Variants in ETV6 observed in about 807,000 individuals in gnomAD.
ETV6 encodes ETS variant transcription factor 6, also known as transcription factor ETV6.
In ETV6, 16 loss-of-function variants were observed where a neutral mutation model predicts 51.1. That is an observed-to-expected ratio of 0.31 (90% CI 0.21 to 0.48). The LOEUF (loss-of-function observed/expected upper bound fraction) is 0.48. Ranked by LOEUF, ETV6 falls within the 20% of genes least tolerant of loss-of-function variation. The pLI is 0.99. For missense variants in ETV6, 458 were observed against 594.8 expected, an observed-to-expected ratio of 0.77 and a Z score of 2.39; for synonymous variants, 240 against 224.1, an observed-to-expected ratio of 1.07 and a Z score of -0.64.
chr12:11,877,224 T>C (rs891157065), intron 5 of ETV6, among the ~76,000 whole-genome samples: 2 of 152,186 alleles, frequency 1.3e-5, no homozygotes, highest in Non-Finnish European at 2.9e-5. Context: ...CACTGTATTC[T>C]GGCATCTTGC....
At chr12:11,661,402 G>A (rs879901843) in intron 1 of ETV6, among the ~76,000 whole-genome samples, 1 of 152,236 alleles carries the variant, frequency 6.6e-6, no homozygotes, top group Admixed American at 6.5e-5. Context: ...CTGACTAATA[G>A]GTCTTGACGG....
intron 2 of ETV6, among the ~76,000 whole-genome samples, chr12:11,834,560 A>G (rs140315897): frequency 1.3e-5 from 2 of 152,376 alleles, no homozygotes; most frequent in East Asian, 1.9e-4. Flanking sequence ...GGTAATATGT[A>G]TGAAAGCACC....
intron 2 of ETV6, among the ~76,000 whole-genome samples, chr12:11,789,274 C>T (rs143328675): frequency 0.054 from 8,160 of 152,068 alleles, 727 homozygotes; most frequent in African/African-American, 0.18. Context: ...CCTCACGATT[C>T]GCCCGCCTCA....
chr12:11,734,541 AAG>A (rs1318922186), intron 1 of ETV6, among the ~76,000 whole-genome samples: 1 of 151,692 alleles, frequency 6.6e-6, no homozygotes, highest in Non-Finnish European at 1.5e-5. Flanking sequence ...AAAAAAAAAA[AAG>A]AAGAAGAAGA....
chr12:11,738,226 C>T (rs371900248), intron 1 of ETV6, among the ~76,000 whole-genome samples: 13 of 129,864 alleles, frequency 1.0e-4, no homozygotes, highest in Non-Finnish European at 1.9e-4. Flanking sequence ...CCTTCCTTCC[C>T]TCCCTCCCTC....
intron 5 of ETV6, among the ~76,000 whole-genome samples, chr12:11,874,933 T>C (rs1475433135): frequency 6.8e-6 from 1 of 147,506 alleles, no homozygotes; most frequent in Non-Finnish European, 1.5e-5. Context: ...CATTAGGAGA[T>C]ATACCTAATG....
chr12:11,795,896 G>C (rs895126381), intron 2 of ETV6, among the ~76,000 whole-genome samples: 2 of 152,194 alleles, frequency 1.3e-5, no homozygotes, highest in African/African-American at 4.8e-5. Flanking sequence ...ACTTAGTACA[G>C]TGTCTGTCAC....
At chr12:11,812,778 T>G (rs531195508) in intron 2 of ETV6, among the ~76,000 whole-genome samples, 2 of 152,286 alleles carry the variant, frequency 1.3e-5, no homozygotes, top group South Asian at 2.1e-4. Flanking sequence ...GCCTAAGATT[T>G]AAAGGGTTTC....
At chr12:11,773,430 G>A (rs1343678464) in intron 2 of ETV6, among the ~76,000 whole-genome samples, 1 of 152,130 alleles carries the variant, frequency 6.6e-6, no homozygotes, top group African/African-American at 2.4e-5. Context: ...AAGATGGAGA[G>A]GTTGAATTTG....
chr12:11,662,632 A>T (rs1419424536), intron 1 of ETV6, among the ~76,000 whole-genome samples: 1 of 152,178 alleles, frequency 6.6e-6, no homozygotes, highest in Non-Finnish European at 1.5e-5. Context: ...TGGTTGGCTT[A>T]TATGTAGGTT....
At position 11,694,385 on chromosome 12, in the gene ETV6, A is replaced by T. The variant is rs181817262; in HGVS notation, c.33+44225A>T. Among the ~76,000 whole-genome samples the T allele has an allele frequency of 5.6e-4, 86 of 152,360 alleles. No homozygotes were observed. In the East Asian group the frequency reaches 0.013, roughly 23 times the overall value. On this transcript the variant is annotated intron_variant, in intron 1 of 7. Coordinates refer to ENST00000396373, the MANE Select transcript of ETV6 (RefSeq NM_001987.5). The stretch of plus-strand genomic sequence containing the variant: ...TTTTATAATAGCTTCTTATGGAATT[A>T]TCTGAATTGGGGACCCATCTGTTGC...
chr12:11,864,326 T>A (rs1186230819), intron 4 of ETV6, among the ~76,000 whole-genome samples: 1 of 152,214 alleles, frequency 6.6e-6, no homozygotes, highest in African/African-American at 2.4e-5. Context: ...GACCAACGCC[T>A]GTGACCGTTT....
At chr12:11,829,341 A>G (rs1395261474) in intron 2 of ETV6, among the ~76,000 whole-genome samples, 1 of 152,204 alleles carries the variant, frequency 6.6e-6, no homozygotes, top group Non-Finnish European at 1.5e-5. Flanking sequence ...ACCTCATTTC[A>G]TGCTCACATT....
chr12:11,765,789 TGTC>T (rs902182785), intron 2 of ETV6, among the ~76,000 whole-genome samples: 2 of 152,156 alleles, frequency 1.3e-5, no homozygotes, highest in African/African-American at 4.8e-5. Context: ...AACTATAATT[TGTC>T]ATTTTATTTT....
intron 6 of ETV6, 33 bp from the exon 7 acceptor site, chr12:11,885,893 C>G (rs777274677): frequency 6.6e-7 from 1 of 1,514,798 alleles, no homozygotes. Context: ...TGTCTTTGTG[C>G]TTTTTTTCTC....
At chr12:11,861,832 T>C (rs1946722991) in intron 4 of ETV6, among the ~76,000 whole-genome samples, 1 of 152,228 alleles carries the variant, frequency 6.6e-6, no homozygotes, top group Admixed American at 6.5e-5. Context: ...CCAGGCCTTA[T>C]ACATGATTGA....
chr12:11,704,758 A>G (rs1300332531), intron 1 of ETV6, among the ~76,000 whole-genome samples: 1 of 151,990 alleles, frequency 6.6e-6, no homozygotes, highest in Admixed American at 6.6e-5. Context: ...GAGGTAGGCA[A>G]CCATTCTCAC....
intron 1 of ETV6, among the ~76,000 whole-genome samples, chr12:11,677,377 A>G (rs1864440769): frequency 6.6e-6 from 1 of 152,222 alleles, no homozygotes; most frequent in Non-Finnish European, 1.5e-5. Context: ...CATAGATAGC[A>G]TATGCATCTA....
intron 3 of ETV6, among the ~76,000 whole-genome samples, chr12:11,851,563 G>A (rs1164391598): frequency 6.6e-6 from 1 of 152,222 alleles, no homozygotes; most frequent in Non-Finnish European, 1.5e-5. Flanking sequence ...GCAGTCATGT[G>A]TGCCATGGTT....
Sources: allele counts gnomAD v4.1 joint callset (sites outside exome capture counted in the v4.1 genomes callset), GRCh38; gene constraint gnomAD v4.1.1; transcripts MANE v1.5; gene names NCBI Gene and HGNC (gene_info 2026-07-23, HGNC 2026-07-21).